The following KCNN2 variants were observed in gnomAD, a reference collection of about 807,000 sequenced individuals.
KCNN2 encodes small conductance calcium-activated potassium channel protein 2.
In KCNN2, 24 loss-of-function variants were observed where a neutral mutation model predicts 55.5. That is an observed-to-expected ratio of 0.43 (90% CI 0.31 to 0.61). The LOEUF is 0.61. Ranked by LOEUF, KCNN2 falls within the 20% of genes least tolerant of loss-of-function variation. KCNN2 has a pLI of 0.08. For synonymous variants in KCNN2, 431 were observed against 336.1 expected (o/e 1.28, Z -3.09); for missense variants, 754 against 853.6 (o/e 0.88, Z 1.45).
intron 1 of KCNN2, among the ~76,000 whole-genome samples, chr5:114,139,513 A>G (rs1321850206): frequency 6.7e-6 from 1 of 148,920 alleles, no homozygotes; most frequent in African/African-American, 2.4e-5. Flanking sequence ...TTCACATATC[A>G]TTTCTTAAAA....
intron 3 of KCNN2, among the ~76,000 whole-genome samples, chr5:114,442,485 T>G (rs554238141): frequency 5.9e-5 from 9 of 152,270 alleles, no homozygotes; most frequent in African/African-American, 2.2e-4. Context: ...GGCAAGTCCC[T>G]TCACCAGGCT....
At chr5:114,348,254 T>G (rs1561580175) in intron 2 of KCNN2, among the ~76,000 whole-genome samples, 1 of 123,802 alleles carries the variant, frequency 8.1e-6, no homozygotes, top group Admixed American at 1.1e-4. Flanking sequence ...GAAAATTAAT[T>G]AATGGCCACA....
At chr5:114,094,262 G>GT (rs1342350439) in intron 1 of KCNN2, among the ~76,000 whole-genome samples, 3 of 151,954 alleles carry the variant, frequency 2.0e-5, no homozygotes, top group Non-Finnish European at 4.4e-5. Flanking sequence ...GCCAGATTCT[G>GT]TTTTTTTCAG....
At chr5:114,165,767 C>T (rs189524492) in intron 1 of KCNN2, among the ~76,000 whole-genome samples, 1 of 152,066 alleles carries the variant, frequency 6.6e-6, no homozygotes, top group African/African-American at 2.4e-5. Flanking sequence ...ATGTAACATA[C>T]AAAATATGTA....
chr5:114,385,519 G>GCGCA (rs1458678711), intron 2 of KCNN2, among the ~76,000 whole-genome samples: 15,851 of 143,378 alleles, frequency 0.11, 950 homozygotes, highest in Middle Eastern at 0.17. Context: ...ACACATGCGC[G>GCGCA]CACACACACA....
At chr5:114,381,185 G>A (rs1186742361) in intron 2 of KCNN2, among the ~76,000 whole-genome samples, 2 of 152,136 alleles carry the variant, frequency 1.3e-5, no homozygotes, top group Non-Finnish European at 2.9e-5. Context: ...AAGTTTTTCT[G>A]CTCTTTTTCT....
chr5:114,408,411 T>C (rs1759010007), intron 3 of KCNN2, among the ~76,000 whole-genome samples: 1 of 152,076 alleles, frequency 6.6e-6, no homozygotes, highest in East Asian at 1.9e-4. Flanking sequence ...TCTCTGAACG[T>C]TTTTTTAGAA....
intron 1 of KCNN2, among the ~76,000 whole-genome samples, chr5:114,109,869 A>G (rs1281931075): frequency 5.9e-5 from 9 of 152,066 alleles, no homozygotes; most frequent in African/African-American, 2.2e-4. Context: ...GACTTGCAAG[A>G]GCATGGGTAG....
At chr5:114,353,684 T>A (rs929194296) in intron 2 of KCNN2, among the ~76,000 whole-genome samples, 2 of 151,898 alleles carry the variant, frequency 1.3e-5, no homozygotes, top group Admixed American at 1.3e-4. Flanking sequence ...AAACTATTTG[T>A]CTTCATGTTT....
At chr5:114,347,184 A>G (rs957997858) in intron 2 of KCNN2, among the ~76,000 whole-genome samples, 5 of 152,208 alleles carry the variant, frequency 3.3e-5, no homozygotes, top group Non-Finnish European at 7.3e-5. Context: ...GCTACAGAAA[A>G]TAATCCTTGA....
At chr5:114,312,524 A>G (rs897266304) in intron 2 of KCNN2, among the ~76,000 whole-genome samples, 23 of 144,724 alleles carry the variant, frequency 1.6e-4, no homozygotes, top group Non-Finnish European at 3.3e-4. Context: ...CATATGGTCA[A>G]GAACCCAAGT....
chr5:114,308,625 T>C (rs1437288734), intron 2 of KCNN2, among the ~76,000 whole-genome samples: 3 of 152,048 alleles, frequency 2.0e-5, no homozygotes, highest in East Asian at 1.9e-4. Flanking sequence ...TGTCATAGCA[T>C]GTGTGAAGCT....
chr5:114,446,800 G>A (rs906830154), intron 3 of KCNN2, among the ~76,000 whole-genome samples: 19 of 152,146 alleles, frequency 1.2e-4, no homozygotes, highest in African/African-American at 4.6e-4. Flanking sequence ...TACTTGGAAG[G>A]CTGAAGCAGG....
chr5:114,229,835 C>A (rs1460447049), intron 2 of KCNN2, among the ~76,000 whole-genome samples: 5 of 151,992 alleles, frequency 3.3e-5, no homozygotes, highest in Non-Finnish European at 5.9e-5. Flanking sequence ...AAATAAGTCT[C>A]CAGTTTAGAG....
intron 2 of KCNN2, among the ~76,000 whole-genome samples, chr5:114,239,817 A>G (rs1200636395): frequency 1.3e-5 from 2 of 152,184 alleles, no homozygotes; most frequent in Non-Finnish European, 2.9e-5. Context: ...ATTTGATGTC[A>G]TAGGTGTTAA....
intron 3 of KCNN2, among the ~76,000 whole-genome samples, chr5:114,435,515 T>G (rs1242402852): frequency 6.6e-6 from 1 of 152,116 alleles, no homozygotes; most frequent in African/African-American, 2.4e-5. Context: ...ATCAGGTGGA[T>G]TGTGTCTCAC....
chr5:114,271,628 G>A (rs745612134), intron 2 of KCNN2, among the ~76,000 whole-genome samples: 10 of 152,104 alleles, frequency 6.6e-5, no homozygotes, highest in Non-Finnish European at 1.5e-4. Context: ...TGTCATGTTT[G>A]TTTATGCTTT....
intron 1 of KCNN2, among the ~76,000 whole-genome samples, chr5:114,122,264 C>T (rs1224512501): frequency 2.0e-5 from 3 of 152,128 alleles, no homozygotes; most frequent in Admixed American, 6.5e-5. Context: ...TGAGTAATAA[C>T]AGCATTGCTA....
chr5:114,368,466 C>T (rs1350414469), intron 2 of KCNN2, among the ~76,000 whole-genome samples: 6 of 151,940 alleles, frequency 3.9e-5, no homozygotes, highest in African/African-American at 1.2e-4. Flanking sequence ...AGGGTGGGGG[C>T]CTCACCTGGA....
Sources: gnomAD v4.1 joint callset for allele counts (sites outside exome capture counted in the v4.1 genomes callset) on GRCh38, gnomAD v4.1.1 for gene constraint, MANE v1.5 for transcripts, NCBI Gene and HGNC (gene_info 2026-07-23, HGNC 2026-07-21) for gene names.